SNX9: variants seen among roughly 807,000 people sequenced by gnomAD.
SNX9 encodes the protein sorting nexin-9.
In SNX9, 44 loss-of-function variants were observed where a neutral mutation model predicts 89.4. The ratio of observed to expected loss-of-function variants is 0.49; its 90% CI spans 0.39 to 0.63. The LOEUF (loss-of-function observed/expected upper bound fraction) is 0.63, where lower values mean the gene tolerates loss of function less well. Ranked by LOEUF, SNX9 falls within the 30% of genes least tolerant of loss-of-function variation. The probability of loss-of-function intolerance (pLI) is 0.00; values close to 1 mark genes in which losing one functional copy is unlikely to be tolerated. For missense variants in SNX9, 578 were observed against 736.1 expected, an observed-to-expected ratio of 0.79 and a Z score of 2.49; for synonymous variants, 236 against 247.8, an observed-to-expected ratio of 0.95 and a Z score of 0.45.
intron 4 of SNX9, among the ~76,000 whole-genome samples, chr6:157,887,274 C>T (rs1311374574): frequency 2.0e-5 from 3 of 152,132 alleles, no homozygotes; most frequent in African/African-American, 7.2e-5. Flanking sequence ...GTATTGTACC[C>T]GATGCCCCGT....
chr6:157,848,540 AGT>A (rs1781846594), intron 1 of SNX9, among the ~76,000 whole-genome samples: 2 of 152,222 alleles, frequency 1.3e-5, no homozygotes, highest in Admixed American at 6.5e-5. Flanking sequence ...ACCTAGATGA[AGT>A]GAAGTTTTTT....
At chr6:157,914,676 C>T (rs1440670808) in intron 9 of SNX9, among the ~76,000 whole-genome samples, 1 of 151,854 alleles carries the variant, frequency 6.6e-6, no homozygotes, top group Non-Finnish European at 1.5e-5. Flanking sequence ...CAGGATTTCA[C>T]CCTGTTGCCT....
chr6:157,825,758 C>A (rs1172742024), intron 1 of SNX9, among the ~76,000 whole-genome samples: 1 of 152,170 alleles, frequency 6.6e-6, no homozygotes. Context: ...TTGTGTCAAA[C>A]CAAAGTCTCA....
At chr6:157,924,003 G>C (rs1783637408) in intron 10 of SNX9, among the ~76,000 whole-genome samples, 1 of 152,138 alleles carries the variant, frequency 6.6e-6, no homozygotes, top group Non-Finnish European at 1.5e-5. Flanking sequence ...TTCGAGACCA[G>C]CCAGGCCAAT....
chr6:157,834,667 G>C (rs1051151218), intron 1 of SNX9, among the ~76,000 whole-genome samples: 2 of 151,974 alleles, frequency 1.3e-5, no homozygotes, highest in African/African-American at 4.8e-5. Context: ...TCTTAATTCA[G>C]TGCTCATTCC....
intron 1 of SNX9, among the ~76,000 whole-genome samples, chr6:157,858,938 A>T (rs1782066270): frequency 6.6e-6 from 1 of 152,134 alleles, no homozygotes; most frequent in Non-Finnish European, 1.5e-5. Context: ...AGATTATTAC[A>T]ATTCAGGGTG....
chr6:157,891,416 T>G (rs1282609682), intron 4 of SNX9, among the ~76,000 whole-genome samples: 3 of 152,184 alleles, frequency 2.0e-5, no homozygotes, highest in Non-Finnish European at 4.4e-5. Context: ...AAGACTCAAT[T>G]TAGTCTTTTT....
chr6:157,943,180 T>A lies in SNX9; in HGVS notation c.*342T>A. On this transcript the variant is annotated 3_prime_UTR_variant, in exon 18 of 18. Transcript: ENST00000392185. The stretch of plus-strand genomic sequence containing the variant: ...TTATATGTCTTATAAATTATAAGTC[T>A]TATATAATTTATAAGTCTCCCACAA... 1 of 177,860 alleles carries A rather than the reference T, an allele frequency of 5.6e-6. No homozygotes were observed. Among genetic ancestry groups the A allele is most frequent in the Non-Finnish European group, 1.2e-5 (1 of 85,534 alleles). 11.0% of individuals were successfully genotyped at this position (177,860 alleles called of 1,614,324 possible).
intron 5 of SNX9, among the ~76,000 whole-genome samples, chr6:157,897,598 C>T (rs547195718): frequency 3.8e-4 from 58 of 152,286 alleles, no homozygotes; most frequent in Non-Finnish European, 7.6e-4. Flanking sequence ...ACCTCCGCCT[C>T]CCAGGTTCAA....
chr6:157,856,423 C>T (rs986326220), intron 1 of SNX9, among the ~76,000 whole-genome samples: 1 of 152,162 alleles, frequency 6.6e-6, no homozygotes, highest in Non-Finnish European at 1.5e-5. Flanking sequence ...AACACTTCAT[C>T]TGTAAGTATT....
intron 9 of SNX9, among the ~76,000 whole-genome samples, chr6:157,911,112 CAAAT>C (rs3838669): frequency 2.9e-4 from 44 of 150,612 alleles, no homozygotes; most frequent in African/African-American, 3.4e-4. Flanking sequence ...GACTCTGTCT[CAAAT>C]AAATAAATAA....
At chr6:157,900,040 C>A (rs1440884454) in intron 5 of SNX9, among the ~76,000 whole-genome samples, 1 of 152,142 alleles carries the variant, frequency 6.6e-6, no homozygotes, top group East Asian at 1.9e-4. Context: ...GATCTCTAGA[C>A]TTATCCTACA....
chr6:157,894,106 C>CTTTTCTTTTTTTTTTTTTTT (rs1484938597), intron 4 of SNX9, among the ~76,000 whole-genome samples: 3 of 89,564 alleles, frequency 3.3e-5, no homozygotes, highest in African/African-American at 1.4e-4. Flanking sequence ...CTTTTCTTTT[C>CTTTTCTTTTTTTTTTTTTTT]TTTTTTTTTT....
At chr6:157,898,069 A>G (rs1268547027) in intron 5 of SNX9, among the ~76,000 whole-genome samples, 1 of 152,190 alleles carries the variant, frequency 6.6e-6, no homozygotes, top group Non-Finnish European at 1.5e-5. Flanking sequence ...CACACCTAAC[A>G]TTCAGGAAGT....
At chr6:157,932,893 AAG>A (rs1354379277) in intron 13 of SNX9, among the ~76,000 whole-genome samples, 32 of 143,052 alleles carry the variant, frequency 2.2e-4, no homozygotes, top group African/African-American at 8.3e-4. Flanking sequence ...AAAAAAAAAA[AAG>A]CCAGATTTCA....
At chr6:157,909,302 T>G (rs949978766) in intron 7 of SNX9, among the ~76,000 whole-genome samples, 2 of 152,224 alleles carry the variant, frequency 1.3e-5, no homozygotes, top group African/African-American at 4.8e-5. Flanking sequence ...AAACTATTAG[T>G]CTGTGATAGA....
intron 7 of SNX9, among the ~76,000 whole-genome samples, chr6:157,909,218 A>G (rs1004161819): frequency 6.6e-6 from 1 of 152,222 alleles, no homozygotes; most frequent in Admixed American, 6.5e-5. Flanking sequence ...GGTACAGTAC[A>G]TGAGAATATT....
chr6:157,854,380 A>G (rs1237706210), intron 1 of SNX9, among the ~76,000 whole-genome samples: 2 of 152,362 alleles, frequency 1.3e-5, no homozygotes, highest in Admixed American at 1.3e-4. Context: ...AGAACAAAGT[A>G]GCTATGCTGA....
At chr6:157,842,548 GA>G (rs1221269931) in intron 1 of SNX9, among the ~76,000 whole-genome samples, 2 of 152,184 alleles carry the variant, frequency 1.3e-5, no homozygotes, top group Non-Finnish European at 2.9e-5. Context: ...AGCATTTGGG[GA>G]TTGGAGTTTT....
Sources: allele counts gnomAD v4.1 joint callset (sites outside exome capture counted in the v4.1 genomes callset), GRCh38; gene constraint gnomAD v4.1.1; transcripts MANE v1.5; gene names NCBI Gene and HGNC (gene_info 2026-07-23, HGNC 2026-07-21).